NAV1: variants seen among roughly 807,000 people sequenced by gnomAD.
NAV1 encodes the protein pore membrane and/or filament interacting like protein 3.
Under a neutral mutation model 175.2 loss-of-function variants are expected in NAV1, and 18 were observed. That is an observed-to-expected ratio of 0.10 (90% CI 0.07 to 0.15). The LOEUF (loss-of-function observed/expected upper bound fraction) is 0.15, where lower values mean the gene tolerates loss of function less well. Ranked by LOEUF, NAV1 falls within the 10% of genes least tolerant of loss-of-function variation. NAV1 has a pLI of 1.00. For missense variants in NAV1, 1,731 were observed against 2,436.6 expected (o/e 0.71, Z 6.10); for synonymous variants, 897 against 978.7 (o/e 0.92, Z 1.56).
exon 1 of NAV1, chr1:201,648,951 T>C: frequency 1.3e-5 from 21 of 1,612,976 alleles, no homozygotes; most frequent in Non-Finnish European, 1.7e-5. Context: ...CACCAACCTC[T>C]CTTTTCTCAC....
upstream of NAV1, among the ~76,000 whole-genome samples, chr1:201,643,523 G>A (rs551701749): frequency 6.6e-6 from 1 of 151,360 alleles, no homozygotes; most frequent in Non-Finnish European, 1.5e-5. Context: ...CCAGGCTTAA[G>A]TGATTCTCCT....
upstream of NAV1, among the ~76,000 whole-genome samples, chr1:201,619,365 TG>T (rs1394960319): frequency 6.6e-6 from 1 of 151,660 alleles, no homozygotes; most frequent in Non-Finnish European, 1.5e-5. Flanking sequence ...GGCTCTTGGT[TG>T]GGGGTGGTTG....
At chr1:201,791,022 C>G in intron 13 of NAV1, 1 of 446,674 alleles carries the variant, frequency 2.2e-6, no homozygotes, top group Non-Finnish European at 4.1e-6. Flanking sequence ...ATGGGCTGAG[C>G]TCCCTAGAGA....
chr1:201,594,572 G>T (rs1366570954), intron 2 of NAV1, among the ~76,000 whole-genome samples: 2 of 152,244 alleles, frequency 1.3e-5, no homozygotes. Flanking sequence ...GACTGGCTTT[G>T]CTGGGTTACT....
chr1:201,718,212 C>T lies in NAV1; in HGVS notation c.861-178C>T, dbSNP rs542325724. Among the ~76,000 whole-genome samples, 4 of 152,302 alleles carry T rather than the reference C, an allele frequency of 2.6e-5. No homozygotes were observed. The highest frequency in any genetic ancestry group is 1.9e-4 in the East Asian group (1 of 5,184). On this transcript the variant is annotated intron_variant, in intron 2 of 29. Transcript: ENST00000367296. The surrounding 1 kb of genome is among the most constrained non-coding windows in gnomAD (Gnocchi z 4.8). ...ATCATTTCCTTTGTCAAACAGATAA[C>T]GTATCACAAAGGTAACACACAACCA...
intron 1 of NAV1, among the ~76,000 whole-genome samples, chr1:201,626,111 T>G (rs1419249608): frequency 1.3e-5 from 2 of 152,178 alleles, no homozygotes; most frequent in African/African-American, 4.8e-5. Context: ...CACTCCGAGA[T>G]GCTGCACGCC....
rs931766509 is a variant in NAV1, at chr1:201,702,708, C to T, written c.758-10109C>T. On this transcript the variant is annotated intron_variant, in intron 1 of 29. Transcript: ENST00000367296. ...TCTCTCTCTCTCTCTCTCTCTCTCT[C>T]TCTCTCTCTCTCTCTCTCTCTCTCC... Among the ~76,000 whole-genome samples the T allele has an allele frequency of 4.9e-4, 75 of 151,652 alleles. 2 individuals carry two copies. Among genetic ancestry groups the T allele is most frequent in the African/African-American group, 1.1e-3 (44 of 41,266 alleles).
intron 1 of NAV1, among the ~76,000 whole-genome samples, chr1:201,708,016 AGTAGCTGGGCATTATTTGATTTGT>A (rs1671741508): frequency 6.6e-6 from 1 of 152,222 alleles, no homozygotes; most frequent in African/African-American, 2.4e-5. Context: ...GTGAACATTG[AGTAGCTGGGCATTATTTGATTTGT>A]GTGTGCATGC....
intron 1 of NAV1, among the ~76,000 whole-genome samples, chr1:201,572,370 CTTTT>C (rs558471603): frequency 2.2e-5 from 3 of 136,454 alleles, no homozygotes; most frequent in Admixed American, 7.4e-5. Flanking sequence ...TTCTTTCTTT[CTTTT>C]TTTTTTTTTT....
At chr1:201,790,955 T>A (rs1677077361) in intron 13 of NAV1, 189 bp downstream of exon 17, 2 of 604,186 alleles carry the variant, frequency 3.3e-6, no homozygotes, top group Middle Eastern at 4.4e-4. Context: ...CCTCAACTTT[T>A]ATGAAGAACC....
At chr1:201,629,719 G>T (rs1417552565) in intron 2 of NAV1, among the ~76,000 whole-genome samples, 1 of 152,234 alleles carries the variant, frequency 6.6e-6, no homozygotes, top group Non-Finnish European at 1.5e-5. Context: ...GCATAGGGAA[G>T]TGGCCAGGGG....
chr1:201,714,540 T>G (rs999307774), intron 2 of NAV1, among the ~76,000 whole-genome samples: 1 of 152,158 alleles, frequency 6.6e-6, no homozygotes, highest in Non-Finnish European at 1.5e-5. Context: ...AGGTGGATGG[T>G]GGGGGCTCCA....
At chr1:201,583,806 A>G (rs934356689) in intron 1 of NAV1, among the ~76,000 whole-genome samples, 1 of 152,206 alleles carries the variant, frequency 6.6e-6, no homozygotes, top group African/African-American at 2.4e-5. Flanking sequence ...CTCAAGATAA[A>G]GCATGTAAAT....
intron 1 of NAV1, among the ~76,000 whole-genome samples, chr1:201,653,770 G>A (rs1313112997): frequency 2.0e-5 from 3 of 152,186 alleles, no homozygotes; most frequent in East Asian, 3.9e-4. Flanking sequence ...GGCAGCAGCA[G>A]TAGTGATGGA....
At chr1:201,700,959 C>T (rs1308634793) in intron 1 of NAV1, among the ~76,000 whole-genome samples, 1 of 123,026 alleles carries the variant, frequency 8.1e-6, no homozygotes, top group Non-Finnish European at 1.6e-5. Context: ...TGTAGTGAGC[C>T]GAGATCCTGC....
In NAV1 at chr1:201,809,328, T is replaced by C. The variant is rs1678538633; in HGVS notation, c.4305+67T>C. 4 of 1,598,568 alleles carry C rather than the reference T, an allele frequency of 2.5e-6. No homozygotes were observed. The Admixed American group carries it at 6.7e-5, about 27-fold the overall frequency. On this transcript the variant is annotated intron_variant, in intron 21 of 29. Coordinates refer to ENST00000367296, the Ensembl canonical transcript of NAV1. ...ACTGTTACATTTATCCAAGAAAATCTGGACCCTGGGTACCTCCAAAACCAA... is the reference window on the plus strand; with the variant it reads ...ACTGTTACATTTATCCAAGAAAATCCGGACCCTGGGTACCTCCAAAACCAA...
At chr1:201,661,597 T>C (rs140906080) in intron 1 of NAV1, among the ~76,000 whole-genome samples, 4 of 152,234 alleles carry the variant, frequency 2.6e-5, no homozygotes, top group African/African-American at 9.6e-5. Context: ...ATAAGCCACT[T>C]AACTGCCTGG....
chr1:201,604,596 C>A (rs1333119446), intron 2 of NAV1, among the ~76,000 whole-genome samples: 2 of 150,842 alleles, frequency 1.3e-5, no homozygotes, highest in Non-Finnish European at 3.0e-5. Context: ...GTGGTAGAAT[C>A]GCTTGAACCT....
At chr1:201,756,484 C>T (rs1333405862) in intron 3 of NAV1, among the ~76,000 whole-genome samples, 3 of 152,166 alleles carry the variant, frequency 2.0e-5, no homozygotes, top group Non-Finnish European at 2.9e-5. Flanking sequence ...TGTCTCAGGG[C>T]CCTCTACATT....
Sources: allele counts gnomAD v4.1 joint callset (sites outside exome capture counted in the v4.1 genomes callset), GRCh38; gene constraint gnomAD v4.1.1; non-coding constraint Gnocchi (gnomAD v3.1); transcripts MANE v1.5; gene names NCBI Gene and HGNC (gene_info 2026-07-23, HGNC 2026-07-21).